Variants in NEDD1 observed in about 807,000 individuals in gnomAD.
NEDD1 encodes the protein protein NEDD1.
A neutral mutation model predicts 74.0 loss-of-function variants in NEDD1; 33 were observed. The observed-to-expected ratio is 0.45, with a 90% CI of 0.34 to 0.60. The LOEUF (loss-of-function observed/expected upper bound fraction) is 0.60. Among genes scored for constraint, NEDD1 ranks in the 20% least tolerant of loss-of-function variants. The pLI, the probability that NEDD1 is intolerant of heterozygous loss-of-function variation, is 0.01. For missense variants in NEDD1, 746 were observed against 776.5 expected, an observed-to-expected ratio of 0.96 and a Z score of 0.47; for synonymous variants, 250 against 264.4, an observed-to-expected ratio of 0.95 and a Z score of 0.53.
chr12:96,930,207 ACACACTCTCT>A (rs1471092436), intron 6 of NEDD1, among the ~76,000 whole-genome samples: 56 of 91,236 alleles, frequency 6.1e-4, no homozygotes, highest in African/African-American at 2.7e-3. Flanking sequence ...ACACACACAC[ACACACTCTCT>A]CTCTCTCTCT....
intron 6 of NEDD1, among the ~76,000 whole-genome samples, chr12:96,928,270 A>G (rs916310830): frequency 6.6e-6 from 1 of 152,184 alleles, no homozygotes; most frequent in Non-Finnish European, 1.5e-5. Flanking sequence ...CTTCATAACC[A>G]TAATTTTTAA....
intron 6 of NEDD1, among the ~76,000 whole-genome samples, chr12:96,934,317 T>C (rs1194175479): frequency 6.6e-6 from 1 of 151,926 alleles, no homozygotes; most frequent in Non-Finnish European, 1.5e-5. Flanking sequence ...ATAATCTCAA[T>C]GTATTATATT....
At position 96,940,440 on chromosome 12, in the gene NEDD1, A is replaced by T; in HGVS notation, c.1149A>T (p.Leu383Phe). Residue 383 changes from leucine (L) to phenylalanine (F), a missense_variant, in exon 10 of 16, where the codon TTA (leucine) becomes TTT (phenylalanine). Around this residue, in one of 3 missense-constraint regions of NEDD1, gnomAD observed 706 missense variants for 706.7 expected, o/e 1.00. Transcript: ENST00000266742. ...GLPRSINTDT[L>F]SKETDSGKNQ... is the part of the protein sequence containing the mutation. The stretch of plus-strand genomic sequence containing the variant: ...CTCGAAGCATAAACACAGACACTTT[A>T]TCTAAGGAAACAGACAGTGGAAAAA... The T allele has an allele frequency of 3.1e-6, 5 of 1,601,606 alleles. No homozygotes were observed. Among genetic ancestry groups the T allele is most frequent in the South Asian group, 1.1e-5 (1 of 90,290 alleles).
At chr12:96,932,097 T>G (rs1406064817) in intron 6 of NEDD1, among the ~76,000 whole-genome samples, 4 of 151,936 alleles carry the variant, frequency 2.6e-5, no homozygotes, top group Non-Finnish European at 4.4e-5. Flanking sequence ...TTTTTTATAT[T>G]TAGAAACAAT....
At chr12:96,914,260 C>T (rs1874214715) in intron 4 of NEDD1, among the ~76,000 whole-genome samples, 1 of 152,130 alleles carries the variant, frequency 6.6e-6, no homozygotes, top group South Asian at 2.1e-4. Context: ...TCTACTCTAC[C>T]ACTATATATA....
chr12:96,929,607 G>GTGTATA (rs1555202696), intron 6 of NEDD1, among the ~76,000 whole-genome samples: 17 of 83,202 alleles, frequency 2.0e-4, no homozygotes, highest in African/African-American at 5.8e-4. Flanking sequence ...ACACATATGT[G>GTGTATA]TATATATATA....
Position 96,912,772 on chromosome 12 carries a change from A to C in NEDD1, c.186A>C (p.Ser62=), listed in dbSNP as rs754590401. 2 of 1,610,304 alleles carry C rather than the reference A, an allele frequency of 1.2e-6. No individual in the cohort carries two copies. The highest frequency in any genetic ancestry group is 2.2e-5 in the South Asian group (2 of 90,764). ...CCAGTGGCGACAAAATAGTTGTCTC[A>C]AGTTGCAAATGTAAACCTGTTCCAC... The part of the protein sequence containing the change: ...ASSSGDKIVV[S]SCKCKPVPLL... Residue 62 remains serine, a synonymous_variant, in exon 4 of 16, where the codon TCA becomes TCC. Coordinates refer to ENST00000266742, the MANE Select transcript of NEDD1 (RefSeq NM_152905.4).
Position 96,907,713 on chromosome 12 carries a change from A to G in NEDD1, c.-152A>G. On this transcript the variant is annotated 5_prime_UTR_variant, in exon 2 of 16. Coordinates refer to ENST00000266742, the MANE Select transcript of NEDD1 (RefSeq NM_152905.4). ...AACTTTCATTTCAGCTGAGTGGTGT[A>G]GTTGAATTGGTTCCTGTAGCCGCTG... 6.4e-7 allele frequency: 1 copy of G among 1,550,546 alleles called. No individual in the cohort carries two copies.
intron 9 of NEDD1, 131 bp downstream of exon 9, chr12:96,937,524 TAGTA>T: frequency 2.2e-6 from 1 of 453,758 alleles, no homozygotes; most frequent in Non-Finnish European, 3.9e-6. Context: ...TAGGTAAAAT[TAGTA>T]GAAGTGAAAA....
Position 96,931,334 on chromosome 12 carries a change from T to C in NEDD1, c.490-3642T>C, listed in dbSNP as rs751479647. Among the ~76,000 whole-genome samples the C allele has an allele frequency of 1.5e-3, 223 of 152,082 alleles. 3 individuals are homozygous for C. Among genetic ancestry groups the C allele is most frequent in the Non-Finnish European group, 2.6e-3 (177 of 68,000 alleles). On this transcript the variant is annotated intron_variant, in intron 6 of 15. Transcript: ENST00000266742. The stretch of plus-strand genomic sequence containing the variant: ...TTGATAAATATAAATATATAAAAAT[T>C]TAAAACTTCTGACAAAAAGCAAGGC...
chr12:96,907,468 G>T, intron 1 of NEDD1, 136 bp from the exon 2 acceptor site: 1 of 731,372 alleles, frequency 1.4e-6, no homozygotes, highest in South Asian at 1.6e-5. Context: ...GCTGGGCTGG[G>T]AAGTGTCCGG....
chr12:96,950,792 A>G (rs1202322151), intron 14 of NEDD1, among the ~76,000 whole-genome samples: 1 of 151,832 alleles, frequency 6.6e-6, no homozygotes, highest in Non-Finnish European at 1.5e-5. Flanking sequence ...AGCTTCTATT[A>G]TTTGGTAATG....
chr12:96,909,925 C>T lies in NEDD1; in HGVS notation c.136+30C>T, dbSNP rs757934585. 4 of 1,589,244 alleles carry T rather than the reference C, an allele frequency of 2.5e-6. No individual in the cohort carries two copies. In the South Asian group the frequency reaches 4.6e-5, roughly 18 times the overall value. ...CCTTTAAAAAAAAAAAACACACACA[C>T]ACACACACAAACCGCTTATTAGGTT... On this transcript the variant is annotated intron_variant, in intron 3 of 15. Coordinates refer to ENST00000266742, the MANE Select transcript of NEDD1 (RefSeq NM_152905.4).
chr12:96,952,017 A>G lies in NEDD1; in HGVS notation c.1947A>G (p.Leu649=). ...NEGLVAEIER[L]REENKRLRAH... ...GTTTAGTGGCTGAAATTGAAAGACT[A>G]CGAGAAGAAAACAAAAGATTACGGG... Residue 649 remains leucine, a synonymous_variant, in exon 16 of 16, where the codon CTA becomes CTG. Transcript: ENST00000266742. The G allele has an allele frequency of 6.2e-7, 1 of 1,605,210 alleles. No homozygotes were observed.
At chr12:96,934,009 C>T (rs913310804) in intron 6 of NEDD1, among the ~76,000 whole-genome samples, 1 of 152,170 alleles carries the variant, frequency 6.6e-6, no homozygotes, top group Non-Finnish European at 1.5e-5. Context: ...GAAAGGCCAG[C>T]ATTGCCCTCA....
At chr12:96,949,093 T>A (rs1878467733) in intron 14 of NEDD1, among the ~76,000 whole-genome samples, 1 of 152,186 alleles carries the variant, frequency 6.6e-6, no homozygotes, top group African/African-American at 2.4e-5. Flanking sequence ...CCAGCGAGAC[T>A]ATCTCAACCT....
At chr12:96,948,100 C>A (rs1878370115) in intron 14 of NEDD1, among the ~76,000 whole-genome samples, 1 of 152,128 alleles carries the variant, frequency 6.6e-6, no homozygotes, top group South Asian at 2.1e-4. Context: ...CTCAGCCATC[C>A]TCCCGTGGCT....
At chr12:96,912,080 C>A (rs963312191) in intron 3 of NEDD1, among the ~76,000 whole-genome samples, 6 of 151,876 alleles carry the variant, frequency 4.0e-5, no homozygotes, top group Non-Finnish European at 8.8e-5. Context: ...GTTCCATTTA[C>A]AATTCGTGTA....
intron 6 of NEDD1, among the ~76,000 whole-genome samples, chr12:96,930,953 T>C (rs896774917): frequency 3.9e-5 from 6 of 152,132 alleles, no homozygotes; most frequent in African/African-American, 1.4e-4. Flanking sequence ...AAGACAAATA[T>C]GTTGAGATTT....
Sources: allele counts gnomAD v4.1 joint callset (sites outside exome capture counted in the v4.1 genomes callset), GRCh38; gene constraint gnomAD v4.1.1; regional missense constraint gnomAD v4.1.1; transcripts MANE v1.5; gene names NCBI Gene and HGNC (gene_info 2026-07-23, HGNC 2026-07-21).